HECW1: variants seen among roughly 807,000 people sequenced by gnomAD.
The protein encoded by HECW1 is E3 ubiquitin-protein ligase HECW1.
Under a neutral mutation model 182.3 loss-of-function variants are expected in HECW1, and 61 were observed. That is an observed-to-expected ratio of 0.33 (90% CI 0.27 to 0.41). The LOEUF (loss-of-function observed/expected upper bound fraction) is 0.41, where lower values mean the gene tolerates loss of function less well. Ranked by LOEUF, HECW1 falls within the 10% of genes least tolerant of loss-of-function variation. HECW1 has a pLI of 1.00. For missense variants in HECW1, 1,739 were observed against 2,108.9 expected, an observed-to-expected ratio of 0.82 and a Z score of 3.44; for synonymous variants, 859 against 832.6, an observed-to-expected ratio of 1.03 and a Z score of -0.55.
intron 6 of HECW1, among the ~76,000 whole-genome samples, chr7:43,388,602 C>T (rs2074895575): frequency 6.6e-6 from 1 of 152,160 alleles, no homozygotes; most frequent in South Asian, 2.1e-4. Flanking sequence ...TGTTTCTCAG[C>T]CCCAGGGTGT....
intron 2 of HECW1, chr7:43,239,121 C>T (rs1194802467): frequency 1.3e-5 from 2 of 152,156 alleles, no homozygotes; most frequent in African/African-American, 2.4e-5. Context: ...CAGACGGCCA[C>T]GTTTTTGGCC....
chr7:43,198,123 C>A (rs985958586), intron 2 of HECW1, among the ~76,000 whole-genome samples: 3 of 150,572 alleles, frequency 2.0e-5, no homozygotes, highest in Non-Finnish European at 4.4e-5. Context: ...CACATACCCA[C>A]TATAGTCACA....
chr7:43,285,886 C>T (rs953218573), intron 3 of HECW1, among the ~76,000 whole-genome samples: 6 of 152,014 alleles, frequency 3.9e-5, no homozygotes, highest in Admixed American at 3.3e-4. Flanking sequence ...TTTTTAATCC[C>T]AGGAAAATGC....
chr7:43,271,202 G>T (rs778165748), intron 3 of HECW1, among the ~76,000 whole-genome samples: 5 of 152,184 alleles, frequency 3.3e-5, no homozygotes, highest in Non-Finnish European at 7.3e-5. Flanking sequence ...AAGTGTGGAT[G>T]TATGTACATC....
At chr7:43,206,555 G>A (rs775618704) in intron 2 of HECW1, among the ~76,000 whole-genome samples, 4 of 152,002 alleles carry the variant, frequency 2.6e-5, no homozygotes, top group Admixed American at 6.6e-5. Flanking sequence ...TTTAAGAGGC[G>A]TAATTAACTT....
chr7:43,331,414 C>T (rs1397351254), intron 5 of HECW1, among the ~76,000 whole-genome samples: 1 of 151,820 alleles, frequency 6.6e-6, no homozygotes, highest in East Asian at 1.9e-4. Context: ...CATGGTGAAA[C>T]CCCATCTCTA....
intron 3 of HECW1, among the ~76,000 whole-genome samples, chr7:43,266,476 A>G (rs996663878): frequency 6.6e-6 from 1 of 152,148 alleles, no homozygotes; most frequent in African/African-American, 2.4e-5. Context: ...CTGGGCTTAC[A>G]GGCATCTGCC....
rs202160242 is a variant in HECW1 at position 43,483,552 on chromosome 7, T to G, written c.3234+3808T>G. 2.1e-3 allele frequency among the ~76,000 whole-genome samples: 315 copies of G among 147,532 alleles called. 2 individuals carry two copies. The highest frequency in any genetic ancestry group is 8.9e-3 in the East Asian group (45 of 5,076). ...AACAGTCATCCATGCAAACTCTTTT[T>G]TTTTTTTTTTTTTTGAGCTAGAGTC... On this transcript the variant is annotated intron_variant, in intron 17 of 29. Transcript: ENST00000395891.
chr7:43,252,291 A>C (rs950574988), intron 3 of HECW1, among the ~76,000 whole-genome samples: 1 of 152,144 alleles, frequency 6.6e-6, no homozygotes, highest in African/African-American at 2.4e-5. Context: ...TATCCGTGTC[A>C]GTGAGGAGTT....
Position 43,466,549 on chromosome 7 carries a change from C to A in HECW1, c.2894C>A (p.Thr965Asn), listed in dbSNP as rs1219091925. ...TTCATCACCAACCCCGAGTTCTTCA[C>A]TGTGCTACATGCCAATTATGTGAGT... Reference protein sequence around the residue: ...VKFITNPEFFTVLHANYSAYR... With the variant: ...VKFITNPEFFNVLHANYSAYR... Residue 965 changes from threonine to asparagine, a missense_variant, in exon 15 of 30, where the codon ACT (threonine) becomes AAT (asparagine). Thr to Asn is a moderately conservative substitution (Grantham distance 65). Coordinates refer to ENST00000395891, the MANE Select transcript of HECW1 (RefSeq NM_015052.5). 6.2e-7 allele frequency: 1 copy of A among 1,613,836 alleles called. No individual in the cohort carries two copies. Among genetic ancestry groups the A allele is most frequent in the Non-Finnish European group, 8.5e-7 (1 of 1,179,980 alleles).
intron 3 of HECW1, among the ~76,000 whole-genome samples, chr7:43,266,563 C>T (rs913594673): frequency 1.5e-4 from 23 of 152,146 alleles, no homozygotes; most frequent in Non-Finnish European, 1.5e-5. Context: ...CTTGAACTCC[C>T]GACCTCATGA....
At chr7:43,126,827 A>G (rs562379779) in intron 2 of HECW1, among the ~76,000 whole-genome samples, 9 of 152,258 alleles carry the variant, frequency 5.9e-5, no homozygotes, top group Admixed American at 3.9e-4. Flanking sequence ...TGATGTTACT[A>G]ATGTAATTGC....
chr7:43,520,684 C>T (rs1424580424), intron 24 of HECW1, among the ~76,000 whole-genome samples: 4 of 151,838 alleles, frequency 2.6e-5, no homozygotes, highest in Non-Finnish European at 4.4e-5. Flanking sequence ...GTTTCCAAAC[C>T]CTTTTAGCTG....
intron 3 of HECW1, chr7:43,274,120 G>A: frequency 2.5e-6 from 1 of 395,548 alleles, no homozygotes. Flanking sequence ...CAAAGTGCTG[G>A]AGAAAAGCGC....
In HECW1 at chr7:43,236,320, T is replaced by TG. The variant is rs918235842; in HGVS notation, c.-31-7548dup. Among the ~76,000 whole-genome samples the TG allele has an allele frequency of 2.3e-4, 35 of 151,998 alleles. 1 individual carries two copies. Among genetic ancestry groups the TG allele is most frequent in the African/African-American group, 8.0e-4 (33 of 41,352 alleles). ...ATTAAGTGATTTGGGAAACCATTCA[T>TG]GGGGGGGAAAAGCTCAAATGAAATA... On this transcript the variant is annotated intron_variant, in intron 2 of 29. Coordinates refer to ENST00000395891, the MANE Select transcript of HECW1 (RefSeq NM_015052.5).
At chr7:43,297,568 C>T (rs550791790) in intron 3 of HECW1, among the ~76,000 whole-genome samples, 11 of 152,216 alleles carry the variant, frequency 7.2e-5, no homozygotes, top group African/African-American at 2.2e-4. Context: ...TGTCCAGGCA[C>T]CAGTCACAGC....
chr7:43,362,532 A>G (rs925804937), intron 6 of HECW1, among the ~76,000 whole-genome samples: 30 of 152,228 alleles, frequency 2.0e-4, no homozygotes, highest in African/African-American at 6.8e-4. Context: ...AAGTGTCCTC[A>G]GAGTGCCAGA....
chr7:43,388,825 G>T (rs562697986), intron 6 of HECW1, among the ~76,000 whole-genome samples: 1 of 152,262 alleles, frequency 6.6e-6, no homozygotes, highest in Middle Eastern at 3.4e-3. Flanking sequence ...CCAACAGTTT[G>T]CCATGCAGCC....
At chr7:43,277,628 C>A (rs534099048) in intron 3 of HECW1, among the ~76,000 whole-genome samples, 20 of 152,332 alleles carry the variant, frequency 1.3e-4, no homozygotes, top group African/African-American at 4.8e-4. Context: ...TTTCCGTAGG[C>A]ATCCACCAGC....
Sources: allele counts gnomAD v4.1 joint callset (sites outside exome capture counted in the v4.1 genomes callset), GRCh38; gene constraint gnomAD v4.1.1; transcripts MANE v1.5; gene names NCBI Gene and HGNC (gene_info 2026-07-23, HGNC 2026-07-21).